Variants in CERS6 observed in about 807,000 individuals in gnomAD.
CERS6 encodes LAG1 homolog, ceramide synthase 6.
CERS6 carries 26 observed loss-of-function variants against 56.8 expected under a neutral mutation model. The observed-to-expected ratio is 0.46, with a 90% CI of 0.34 to 0.63. The LOEUF (loss-of-function observed/expected upper bound fraction) is 0.63. Among genes scored for constraint, CERS6 ranks in the 30% least tolerant of loss-of-function variants. The probability of loss-of-function intolerance (pLI) is 0.01; values close to 1 mark genes in which losing one functional copy is unlikely to be tolerated. For synonymous variants in CERS6, 164 were observed against 173.3 expected (o/e 0.95, Z 0.42); for missense variants, 415 against 467.5 (o/e 0.89, Z 1.04).
At chr2:168,494,513 GTTAAA>G (rs1694429045) in intron 1 of CERS6, among the ~76,000 whole-genome samples, 1 of 152,178 alleles carries the variant, frequency 6.6e-6, no homozygotes, top group South Asian at 2.1e-4. Context: ...GTAAATGCTT[GTTAAA>G]TAAATAACAG....
chr2:168,676,409 A>G (rs1686061139), intron 4 of CERS6, among the ~76,000 whole-genome samples: 1 of 152,230 alleles, frequency 6.6e-6, no homozygotes, highest in African/African-American at 2.4e-5. Flanking sequence ...ACATGTCATT[A>G]TGGAATATTA....
intron 4 of CERS6, among the ~76,000 whole-genome samples, chr2:168,655,778 C>T (rs1300852168): frequency 6.6e-6 from 1 of 152,132 alleles, no homozygotes; most frequent in Non-Finnish European, 1.5e-5. Flanking sequence ...TAGAATGAAC[C>T]AGTCTAGAGA....
At chr2:168,478,218 C>T (rs966928225) in intron 1 of CERS6, among the ~76,000 whole-genome samples, 5 of 152,034 alleles carry the variant, frequency 3.3e-5, no homozygotes, top group African/African-American at 1.2e-4. Flanking sequence ...TGCCACTGTT[C>T]TGAGAGCTGA....
intron 4 of CERS6, among the ~76,000 whole-genome samples, chr2:168,667,273 C>G (rs1448651871): frequency 6.6e-6 from 1 of 152,188 alleles, no homozygotes; most frequent in African/African-American, 2.4e-5. Context: ...CAGTTTCTTG[C>G]ACAGGCGAGG....
intron 1 of CERS6, among the ~76,000 whole-genome samples, chr2:168,480,018 C>T (rs1694150901): frequency 6.6e-6 from 1 of 152,176 alleles, no homozygotes; most frequent in Non-Finnish European, 1.5e-5. Context: ...GCTAAAGAAC[C>T]ACTCTGATCC....
intron 6 of CERS6, among the ~76,000 whole-genome samples, chr2:168,700,557 T>C (rs1204973345): frequency 2.3e-4 from 35 of 152,146 alleles, no homozygotes. Flanking sequence ...ATCCTTTAAA[T>C]TTATCATTAA....
At chr2:168,766,261 C>T in intron 9 of CERS6, 8 of 1,525,286 alleles carry the variant, frequency 5.2e-6, no homozygotes, top group Non-Finnish European at 7.2e-6. Context: ...GAGACTTTTC[C>T]AGATCATTCT....
chr2:168,497,097 T>C (rs3172068), intron 1 of CERS6, among the ~76,000 whole-genome samples: 6,555 of 152,236 alleles, frequency 0.043, 269 homozygotes, highest in African/African-American at 0.1. Flanking sequence ...AACCACAGTT[T>C]ATAGGGGGCG....
intron 1 of CERS6, among the ~76,000 whole-genome samples, chr2:168,528,650 G>GAGGAATTTGCAAACAAATTTATT (rs71003044): frequency 2.0e-5 from 3 of 151,992 alleles, no homozygotes; most frequent in Non-Finnish European, 4.4e-5. Context: ...AGAAGAACTA[G>GAGGAATTTGCAAACAAATTTATT]AGGTTCATAG....
chr2:168,502,202 G>GAC (rs1451826696), intron 1 of CERS6, among the ~76,000 whole-genome samples: 1 of 151,922 alleles, frequency 6.6e-6, no homozygotes, highest in Admixed American at 6.6e-5. Flanking sequence ...ATTAAAATCT[G>GAC]TCTTTGCAGA....
chr2:168,525,207 A>T (rs2105358680), intron 1 of CERS6, among the ~76,000 whole-genome samples: 1 of 152,338 alleles, frequency 6.6e-6, no homozygotes, highest in East Asian at 1.9e-4. Context: ...AAGCTTCAGC[A>T]TGCCTCGGGA....
chr2:168,599,570 G>T (rs536073783), intron 3 of CERS6, among the ~76,000 whole-genome samples: 1 of 152,284 alleles, frequency 6.6e-6, no homozygotes, highest in Non-Finnish European at 1.5e-5. Flanking sequence ...AATTTAAGTA[G>T]GTTAGTAACC....
intron 3 of CERS6, among the ~76,000 whole-genome samples, chr2:168,627,665 A>G (rs1684620878): frequency 6.6e-6 from 1 of 151,478 alleles, no homozygotes; most frequent in Non-Finnish European, 1.5e-5. Context: ...CTAGGATTCA[A>G]CATTTTTGTC....
chr2:168,472,217 G>A (rs1358634509), intron 1 of CERS6, among the ~76,000 whole-genome samples: 2 of 152,122 alleles, frequency 1.3e-5, no homozygotes, highest in East Asian at 3.8e-4. Context: ...TCCCTGTATA[G>A]CATTCATACT....
At chr2:168,482,975 T>C (rs1319434946) in intron 1 of CERS6, among the ~76,000 whole-genome samples, 1 of 152,232 alleles carries the variant, frequency 6.6e-6, no homozygotes, top group Non-Finnish European at 1.5e-5. Flanking sequence ...TTGCATGTGA[T>C]AGTCTGGACA....
chr2:168,619,160 A>T (rs1311711706), intron 3 of CERS6, among the ~76,000 whole-genome samples: 1 of 152,254 alleles, frequency 6.6e-6, no homozygotes, highest in Admixed American at 6.5e-5. Context: ...GGGAAGCCAC[A>T]TGTAGGAGAA....
At chr2:168,472,602 G>A (rs528662850) in intron 1 of CERS6, among the ~76,000 whole-genome samples, 1 of 152,242 alleles carries the variant, frequency 6.6e-6, no homozygotes, top group East Asian at 1.9e-4. Context: ...AAAAGGAATG[G>A]GAAGAGGATG....
chr2:168,752,411 C>G (rs1289781364), intron 8 of CERS6, among the ~76,000 whole-genome samples: 2 of 151,832 alleles, frequency 1.3e-5, no homozygotes, highest in Non-Finnish European at 2.9e-5. Flanking sequence ...GCCTTGCATG[C>G]AAATTGAAAA....
At chr2:168,635,221 G>A (rs955319304) in intron 4 of CERS6, among the ~76,000 whole-genome samples, 3 of 152,146 alleles carry the variant, frequency 2.0e-5, no homozygotes, top group Non-Finnish European at 4.4e-5. Context: ...GAGGCTCAAA[G>A]GAAGAGCCAT....
Sources: gnomAD v4.1 joint callset for allele counts (sites outside exome capture counted in the v4.1 genomes callset) on GRCh38, gnomAD v4.1.1 for gene constraint, MANE v1.5 for transcripts, NCBI Gene and HGNC (gene_info 2026-07-23, HGNC 2026-07-21) for gene names.